The following CNTN1 variants were observed in gnomAD, a reference collection of about 807,000 sequenced individuals.
CNTN1 encodes contactin 1, also known as contactin-1.
Under a neutral mutation model 126.4 loss-of-function variants are expected in CNTN1, and 38 were observed. The ratio of observed to expected loss-of-function variants is 0.30; its 90% CI spans 0.23 to 0.39. The LOEUF (loss-of-function observed/expected upper bound fraction) is 0.39. CNTN1 is among the 10% of genes least tolerant of loss of function. The pLI, the probability that CNTN1 is intolerant of heterozygous loss-of-function variation, is 1.00. For missense variants in CNTN1, 1,009 were observed against 1,248.4 expected (o/e 0.81, Z 2.89); for synonymous variants, 413 against 422.6 (o/e 0.98, Z 0.28).
In CNTN1 at chr12:40,924,665, C is replaced by T. The variant is rs766090898; in HGVS notation, c.496+13C>T. 1 of 1,394,190 alleles carries T rather than the reference C, an allele frequency of 7.2e-7. No homozygotes were observed. The highest frequency in any genetic ancestry group is 1.0e-6 in the Non-Finnish European group (1 of 980,122). 86.4% of individuals were successfully genotyped at this position (1,394,190 alleles called of 1,614,324 possible). On this transcript the variant is annotated intron_variant, in intron 6 of 23. Transcript: ENST00000551295. ...TACCATTTTCCAGGTAAACTTAATT[C>T]CTCTCTGACTATTAGCATCTATGAA... is the stretch of plus-strand genomic sequence containing the variant.
chr12:41,030,150 A>G (rs2120860938), intron 23 of CNTN1, among the ~76,000 whole-genome samples: 1 of 152,064 alleles, frequency 6.6e-6, no homozygotes, highest in African/African-American at 2.4e-5. Context: ...CTGCACATAT[A>G]CCCCTGAACT....
intron 3 of CNTN1, among the ~76,000 whole-genome samples, chr12:40,911,980 C>CT (rs144723824): frequency 0.065 from 9,878 of 152,148 alleles, 526 homozygotes; most frequent in Admixed American, 0.16. Context: ...ACAATGTCTG[C>CT]GAATTACTCA....
chr12:41,039,924 ACT>A (rs1427155204), intron 23 of CNTN1, among the ~76,000 whole-genome samples: 3 of 152,116 alleles, frequency 2.0e-5, no homozygotes, highest in African/African-American at 7.2e-5. Context: ...TCTCAACTCA[ACT>A]CTCAACTCAA....
At chr12:40,719,928 C>T (rs867128487) in intron 1 of CNTN1, among the ~76,000 whole-genome samples, 1 of 152,040 alleles carries the variant, frequency 6.6e-6, no homozygotes, top group Non-Finnish European at 1.5e-5. Context: ...AGCTCCGCCT[C>T]CTGGGTTCAA....
chr12:40,753,531 A>C (rs908785495), intron 1 of CNTN1, among the ~76,000 whole-genome samples: 1 of 152,134 alleles, frequency 6.6e-6, no homozygotes, highest in Non-Finnish European at 1.5e-5. Context: ...ACATGGTGGC[A>C]GCAAGAAGAA....
chr12:40,849,524 A>G (rs982176709), intron 1 of CNTN1, among the ~76,000 whole-genome samples: 1 of 152,068 alleles, frequency 6.6e-6, no homozygotes, highest in African/African-American at 2.4e-5. Flanking sequence ...TTCCCCTAAT[A>G]GCAATCATGG....
chr12:41,069,510 A>G (rs919792810), intron 23 of CNTN1, among the ~76,000 whole-genome samples: 5 of 152,050 alleles, frequency 3.3e-5, no homozygotes, highest in African/African-American at 9.7e-5. Flanking sequence ...TATGTATACA[A>G]GTGCCATGTT....
chr12:40,947,774 TATATATATACACACACACACACAC>T (rs1946483458), intron 14 of CNTN1, among the ~76,000 whole-genome samples: 1 of 81,172 alleles, frequency 1.2e-5, no homozygotes, highest in African/African-American at 4.9e-5. Flanking sequence ...CATATATATA[TATATATATACACACACACACACAC>T]ACACACACAC....
At chr12:40,830,716 T>C (rs933962125) in intron 1 of CNTN1, among the ~76,000 whole-genome samples, 1 of 146,318 alleles carries the variant, frequency 6.8e-6, no homozygotes, top group Non-Finnish European at 1.5e-5. Flanking sequence ...AGCTAAAATA[T>C]ATTTGTACTT....
intron 1 of CNTN1, among the ~76,000 whole-genome samples, chr12:40,795,274 T>TACAC (rs71078269): frequency 1.6e-5 from 2 of 124,184 alleles, no homozygotes; most frequent in Admixed American, 8.3e-5. Context: ...TCTACATGTA[T>TACAC]ACACACACAC....
intron 1 of CNTN1, among the ~76,000 whole-genome samples, chr12:40,822,146 A>ATTTTTTTTTTTTTTTTTTTT (rs1315956279): frequency 9.8e-5 from 8 of 81,880 alleles, no homozygotes; most frequent in African/African-American, 1.6e-4. Context: ...CAAAATATAA[A>ATTTTTTTTTTTTTTTTTTTT]TCTTTTTTTT....
chr12:40,967,256 G>A (rs1947340755), intron 15 of CNTN1, among the ~76,000 whole-genome samples: 1 of 152,102 alleles, frequency 6.6e-6, no homozygotes, highest in Admixed American at 6.5e-5. Context: ...GCCAAGGCGG[G>A]TGGATCAGGA....
chr12:40,771,240 G>C (rs1939324910), intron 1 of CNTN1, among the ~76,000 whole-genome samples: 1 of 152,054 alleles, frequency 6.6e-6, no homozygotes, highest in African/African-American at 2.4e-5. Context: ...CACACTCAGA[G>C]AGTATTAGAA....
At chr12:40,997,483 T>C (rs1421855078) in intron 17 of CNTN1, among the ~76,000 whole-genome samples, 2 of 152,206 alleles carry the variant, frequency 1.3e-5, no homozygotes, top group Admixed American at 1.3e-4. Flanking sequence ...TTCACACATA[T>C]TTGATAAAAG....
chr12:40,799,685 A>C (rs1176961124), intron 1 of CNTN1, among the ~76,000 whole-genome samples: 1 of 152,056 alleles, frequency 6.6e-6, no homozygotes, highest in Non-Finnish European at 1.5e-5. Flanking sequence ...AGATGTGTAC[A>C]ATACAGAAGC....
Position 40,960,490 on chromosome 12 carries a change from C to G in CNTN1, c.1804+1256C>G, listed in dbSNP as rs532382465. ...TCTCATGCAGCTCCTGCATTTCCCT[C>G]TAGAGCAATGTTAATATGGGGTCCC... On this transcript the variant is annotated intron_variant, in intron 15 of 23. Coordinates refer to ENST00000551295, the MANE Select transcript of CNTN1 (RefSeq NM_001843.4). Among the ~76,000 whole-genome samples the G allele has an allele frequency of 3.3e-5, 5 of 152,086 alleles. No homozygotes were observed. In the East Asian group the frequency reaches 9.7e-4, roughly 29 times the overall value.
chr12:40,727,018 C>A (rs1270543036), intron 1 of CNTN1, among the ~76,000 whole-genome samples: 1 of 149,398 alleles, frequency 6.7e-6, no homozygotes, highest in Non-Finnish European at 1.5e-5. Context: ...TTTAAAAATT[C>A]TAATAATAAA....
At position 40,773,676 on chromosome 12, in the gene CNTN1, C is replaced by CACAT. The variant is rs1326393832; in HGVS notation, c.-77+81085_-77+81086insCATA. ...ATATACACATATATATATATATACA[C>CACAT]ATATATATATATATATACACATATA... On this transcript the variant is annotated intron_variant, in intron 1 of 23. Coordinates refer to ENST00000551295, the MANE Select transcript of CNTN1 (RefSeq NM_001843.4). Among the ~76,000 whole-genome samples, 54 of 11,474 alleles carry CACAT rather than the reference C, an allele frequency of 4.7e-3. 1 individual carries two copies. Among genetic ancestry groups the CACAT allele is most frequent in the African/African-American group, 7.5e-3 (47 of 6,256 alleles). 7.5% of individuals were successfully genotyped at this position (11,474 alleles called of 152,430 possible).
intron 1 of CNTN1, among the ~76,000 whole-genome samples, chr12:40,740,490 A>G (rs12371393): frequency 6.6e-6 from 1 of 152,148 alleles, no homozygotes; most frequent in Non-Finnish European, 1.5e-5. Flanking sequence ...AACTCCTTAC[A>G]TAAAATAGTT....
Sources: allele counts gnomAD v4.1 joint callset (sites outside exome capture counted in the v4.1 genomes callset), GRCh38; gene constraint gnomAD v4.1.1; transcripts MANE v1.5; gene names NCBI Gene and HGNC (gene_info 2026-07-23, HGNC 2026-07-21).